Variants in SPMAP2 observed in about 807,000 individuals in gnomAD.
The protein encoded by SPMAP2 is Theg homolog.
chr19:372,306 G>C, the SPMAP2 span, among the ~76,000 whole-genome samples: 2 of 152,234 alleles, frequency 1.3e-5, no homozygotes, highest in Non-Finnish European at 2.9e-5. Flanking sequence ...CACCTTTTTT[G>C]AGTAAACAAA....
the SPMAP2 span, chr19:372,750 C>A: frequency 6.3e-7 from 1 of 1,577,160 alleles, no homozygotes; most frequent in Middle Eastern, 1.7e-4. Flanking sequence ...CAACACCCTG[C>A]AGTTCCCAGG....
chr19:369,973 G>T, the SPMAP2 span, among the ~76,000 whole-genome samples: 1 of 152,192 alleles, frequency 6.6e-6, no homozygotes, highest in South Asian at 2.1e-4. Flanking sequence ...CGACGGCTTG[G>T]CTTGGGCTCA....
the SPMAP2 span, chr19:373,681 G>A: frequency 2.9e-5 from 21 of 717,446 alleles, no homozygotes; most frequent in Admixed American, 2.7e-4. Context: ...TGGGGGGGCC[G>A]GCGGGACGCG....
the SPMAP2 span, among the ~76,000 whole-genome samples, chr19:371,759 C>T: frequency 5.7e-4 from 87 of 152,294 alleles, 1 homozygote; most frequent in Non-Finnish European, 5.9e-5. Context: ...CTGGGGAAAG[C>T]GAAGGACAGC....
At chr19:374,715 T>C in the SPMAP2 span, 1 of 450,422 alleles carries the variant, frequency 2.2e-6, no homozygotes, top group Non-Finnish European at 4.1e-6. Context: ...CTGGCGGGGC[T>C]GTTTTGGTGA....
chr19:370,531 T>C, the SPMAP2 span, among the ~76,000 whole-genome samples: 1 of 151,560 alleles, frequency 6.6e-6, no homozygotes, highest in African/African-American at 2.4e-5. Context: ...TTTGTATTTT[T>C]AGTAGAGACA....
At chr19:372,518 CT>C in the SPMAP2 span, 1 of 1,054,664 alleles carries the variant, frequency 9.5e-7, no homozygotes. Context: ...TGAACACCAG[CT>C]GTCTAGGGCT....
At chr19:362,467 C>G in the SPMAP2 span, 2 of 1,490,542 alleles carry the variant, frequency 1.3e-6, no homozygotes, top group Non-Finnish European at 1.8e-6. Flanking sequence ...GAAGCTCAAA[C>G]CTCAAAGCTC....
chr19:373,076 G>A, the SPMAP2 span, among the ~76,000 whole-genome samples: 5 of 152,154 alleles, frequency 3.3e-5, no homozygotes, highest in African/African-American at 9.7e-5. Context: ...AGTGATGACT[G>A]TAGGTCTAAA....
the SPMAP2 span, among the ~76,000 whole-genome samples, chr19:369,067 A>T: frequency 2.6e-5 from 4 of 152,158 alleles, no homozygotes; most frequent in African/African-American, 9.7e-5. Flanking sequence ...TCGTGTTTTA[A>T]AATGTCCTTG....
chr19:373,518 A>C, the SPMAP2 span: 1 of 1,613,422 alleles, frequency 6.2e-7, no homozygotes, highest in South Asian at 1.1e-5. Context: ...CGCTCGGTCC[A>C]GTACACAGAG....
the SPMAP2 span, among the ~76,000 whole-genome samples, chr19:364,850 G>A: frequency 6.6e-6 from 1 of 152,108 alleles, no homozygotes; most frequent in African/African-American, 2.4e-5. Flanking sequence ...CACCGAGTCT[G>A]GCATAGCAGC....
At chr19:375,722 T>C in the SPMAP2 span, 12 of 1,607,618 alleles carry the variant, frequency 7.5e-6, no homozygotes, top group East Asian at 1.8e-4. Flanking sequence ...ACTCAGAAAG[T>C]GCCTCTTTGG....
the SPMAP2 span, among the ~76,000 whole-genome samples, chr19:364,045 A>G: frequency 6.6e-6 from 1 of 151,640 alleles, no homozygotes; most frequent in Non-Finnish European, 1.5e-5. Context: ...CAAATAAAAA[A>G]TATTTCGGTT....
chr19:365,350 G>A, the SPMAP2 span, among the ~76,000 whole-genome samples: 54 of 152,320 alleles, frequency 3.5e-4, no homozygotes, highest in Non-Finnish European at 6.9e-4. Flanking sequence ...TGGAAGAACC[G>A]TGCCCAGAGC....
At chr19:375,893 G>A in the SPMAP2 span, 235 of 1,535,798 alleles carry the variant, frequency 1.5e-4, no homozygotes, top group Non-Finnish European at 1.8e-4. Context: ...GGGGGTCGCC[G>A]TCCTGCTCCC....
chr19:372,268 A>G, the SPMAP2 span, among the ~76,000 whole-genome samples: 4 of 152,298 alleles, frequency 2.6e-5, no homozygotes, highest in Admixed American at 6.5e-5. Flanking sequence ...AATTTTGTAC[A>G]TAAAATACTA....
the SPMAP2 span, among the ~76,000 whole-genome samples, chr19:368,648 G>A: frequency 6.6e-6 from 1 of 152,220 alleles, no homozygotes; most frequent in Non-Finnish European, 1.5e-5. The surrounding 1 kb of genome is among the most constrained non-coding windows in gnomAD (Gnocchi z 4.1). Flanking sequence ...CGTGGAGGCA[G>A]AGGATGAAAC....
chr19:374,055 G>T, the SPMAP2 span: 1 of 1,594,762 alleles, frequency 6.3e-7, no homozygotes, highest in Non-Finnish European at 8.6e-7. Context: ...CTTGCCCTGG[G>T]TCTCCCGTTT....
Sources: gnomAD v4.1 joint callset for allele counts (sites outside exome capture counted in the v4.1 genomes callset) on GRCh38, gnomAD v4.1.1 for gene constraint, Gnocchi (gnomAD v3.1) non-coding constraint, MANE v1.5 for transcripts, NCBI Gene and HGNC (gene_info 2026-07-23, HGNC 2026-07-21) for gene names.